The following SNAP91 variants were observed in gnomAD, a reference collection of about 807,000 sequenced individuals.
SNAP91 encodes synaptosome associated protein 91.
In SNAP91, 27 loss-of-function variants were observed where a neutral mutation model predicts 100.3. The ratio of observed to expected loss-of-function variants is 0.27; its 90% confidence interval spans 0.20 to 0.37. SNAP91 has a LOEUF of 0.37. Among genes scored for constraint, SNAP91 ranks in the 10% least tolerant of loss-of-function variants. SNAP91 has a pLI of 1.00. For missense variants in SNAP91, 986 were observed against 1,123.7 expected (o/e 0.88, Z 1.75); for synonymous variants, 404 against 398.6 (o/e 1.01, Z -0.16).
chr6:83,563,829 T>C (rs1316522570), intron 26 of SNAP91, among the ~76,000 whole-genome samples: 2 of 152,184 alleles, frequency 1.3e-5, no homozygotes, highest in African/African-American at 2.4e-5. Context: ...ACTGCAACTA[T>C]AGAACATTGT....
intron 1 of SNAP91, 138 bp from the exon 2 acceptor site, chr6:83,708,095 A>G: frequency 1.4e-6 from 1 of 714,300 alleles, no homozygotes; most frequent in Non-Finnish European, 2.1e-6. Context: ...CGGAGCCAGC[A>G]ACGCGCCAAG....
At chr6:83,596,614 G>A (rs188890582) in intron 16 of SNAP91, among the ~76,000 whole-genome samples, 30 of 152,160 alleles carry the variant, frequency 2.0e-4, no homozygotes, top group Admixed American at 1.1e-3. Context: ...CACAACCAAA[G>A]CTTAAAGCGT....
At chr6:83,697,967 G>C (rs773775579) in intron 2 of SNAP91, among the ~76,000 whole-genome samples, 3 of 152,094 alleles carry the variant, frequency 2.0e-5, no homozygotes, top group Non-Finnish European at 4.4e-5. Context: ...ATAGCTCTGG[G>C]AGGGATATGA....
At chr6:83,596,950 G>C (rs2094540893) in intron 16 of SNAP91, among the ~76,000 whole-genome samples, 1 of 151,994 alleles carries the variant, frequency 6.6e-6, no homozygotes, top group Non-Finnish European at 1.5e-5. Flanking sequence ...TTAGTGCCAG[G>C]GATCAAATAG....
At chr6:83,706,451 T>C (rs16873803) in intron 2 of SNAP91, among the ~76,000 whole-genome samples, 4,670 of 152,350 alleles carry the variant, frequency 0.031, 220 homozygotes, top group African/African-American at 0.1. Context: ...TATAATGCTG[T>C]AATCAATAAA....
chr6:83,630,527 C>T (rs1307556983), intron 8 of SNAP91, among the ~76,000 whole-genome samples: 1 of 151,700 alleles, frequency 6.6e-6, no homozygotes, highest in Non-Finnish European at 1.5e-5. Context: ...AATCTCACTG[C>T]TTGTCTGTTC....
At chr6:83,610,432 G>C (rs1383062267) in intron 12 of SNAP91, among the ~76,000 whole-genome samples, 3 of 151,356 alleles carry the variant, frequency 2.0e-5, no homozygotes, top group African/African-American at 7.3e-5. Flanking sequence ...AAGTAGAATG[G>C]TGGTTGCCAG....
intron 5 of SNAP91, 117 bp downstream of exon 5, chr6:83,661,385 T>A (rs2098541026): frequency 3.5e-6 from 2 of 569,866 alleles, no homozygotes; most frequent in South Asian, 6.2e-5. Context: ...TTTTTTTAGG[T>A]TATTGTAAAC....
At chr6:83,700,982 G>A (rs1160688315) in intron 2 of SNAP91, among the ~76,000 whole-genome samples, 33 of 152,250 alleles carry the variant, frequency 2.2e-4, no homozygotes, top group Non-Finnish European at 4.4e-5. Flanking sequence ...AATTGAGTAG[G>A]CAATGCCTGG....
At chr6:83,615,495 G>A (rs749774618) in intron 10 of SNAP91, among the ~76,000 whole-genome samples, 1 of 152,094 alleles carries the variant, frequency 6.6e-6, no homozygotes, top group Non-Finnish European at 1.5e-5. Flanking sequence ...CCTAATAGAG[G>A]GTGGGCCTAG....
chr6:83,690,465 A>G (rs1587739263), intron 2 of SNAP91: 1 of 1,220,382 alleles, frequency 8.2e-7, no homozygotes, highest in Non-Finnish European at 1.1e-6. Context: ...TCAGTTACAC[A>G]TTAATAAGAA....
chr6:83,687,305 C>A (rs947723593), intron 2 of SNAP91, among the ~76,000 whole-genome samples: 1 of 152,006 alleles, frequency 6.6e-6, no homozygotes, highest in Non-Finnish European at 1.5e-5. Flanking sequence ...AAATTGGCAG[C>A]AAATTATTTC....
chr6:83,593,228 T>A lies in SNAP91; in HGVS notation c.1728A>T (p.Ala576=). The A allele has an allele frequency of 6.3e-7, 1 of 1,596,048 alleles. No homozygotes were observed. Among genetic ancestry groups the A allele is most frequent in the Non-Finnish European group, 8.5e-7 (1 of 1,170,814 alleles). Residue 576 remains alanine (A), a synonymous_variant, in exon 19 of 30, where the codon GCA becomes GCT. Coordinates refer to ENST00000369694, the MANE Select transcript of SNAP91 (RefSeq NM_001242792.2). ...DLFESTPEVA[A]APKPDAAPSI... is the part of the protein sequence containing the mutation. ...TAGGAGCAGCATCTGGCTTAGGCGC[T>A]GCAGCAACTTCAGGAGTGGACTCAA...
In SNAP91 at chr6:83,662,431, CA is replaced by C; in HGVS notation, c.274-10del. The C allele has an allele frequency of 8.8e-7, 1 of 1,139,728 alleles. No homozygotes were observed. Among genetic ancestry groups the C allele is most frequent in the Non-Finnish European group, 1.2e-6 (1 of 833,614 alleles). 70.6% of individuals were successfully genotyped at this position (1,139,728 alleles called of 1,614,324 possible). A position where few individuals can be genotyped will look rare whatever the true frequency, so the allele number is the denominator to read the frequency against. ...AAATATTGAATAAATCTCTGAAAAACAAAAATTAGAATTAAACACACATTTT... is the reference window on the plus strand; with the variant it reads ...AAATATTGAATAAATCTCTGAAAAACAAAATTAGAATTAAACACACATTTT... On this transcript the variant is annotated splice_polypyrimidine_tract_variant and intron_variant, in intron 3 of 29. Transcript: ENST00000369694.
intron 26 of SNAP91, among the ~76,000 whole-genome samples, chr6:83,567,027 C>T (rs1392016110): frequency 1.3e-5 from 2 of 152,122 alleles, no homozygotes; most frequent in Non-Finnish European, 2.9e-5. Context: ...TAGGCTCAAA[C>T]ACTTGGGCTC....
At chr6:83,687,976 A>T (rs73486964) in intron 2 of SNAP91, among the ~76,000 whole-genome samples, 4,338 of 152,244 alleles carry the variant, frequency 0.028, 76 homozygotes, top group East Asian at 0.059. Flanking sequence ...GGGACGTGGA[A>T]GACACGGGTT....
At chr6:83,680,829 T>C (rs535055553) in intron 2 of SNAP91, among the ~76,000 whole-genome samples, 1 of 152,128 alleles carries the variant, frequency 6.6e-6, no homozygotes, top group Non-Finnish European at 1.5e-5. Context: ...CCAGACATTG[T>C]TGTAGACTGT....
Position 83,623,077 on chromosome 6 carries a change from C to T in SNAP91, c.807+224G>A, listed in dbSNP as rs141387986. ...TGAGTTCATTTACTAAATTCAGTTG[C>T]GTTTAAAGAAGAAACTATATCATAA... On this transcript the variant is annotated intron_variant, in intron 9 of 29. Transcript: ENST00000369694. 1.9e-3 allele frequency among the ~76,000 whole-genome samples: 294 copies of T among 152,162 alleles called. 1 individual carries two copies. Among genetic ancestry groups the T allele is most frequent in the African/African-American group, 6.1e-3 (252 of 41,558 alleles).
Position 83,628,542 on chromosome 6 carries a change from A to T in SNAP91, c.766-5200T>A, listed in dbSNP as rs1249099837. Among the ~76,000 whole-genome samples the T allele has an allele frequency of 1.0e-4, 15 of 149,232 alleles. 1 individual carries two copies. In the South Asian group the frequency reaches 1.3e-3, roughly 13 times the overall value. Reference sequence around the variant, plus strand: ...TCTACTGTTTTTTTTTTTATTTTTTAATTTTTTGATTATGGCCATTCTTGC... The same window carrying T: ...TCTACTGTTTTTTTTTTTATTTTTTTATTTTTTGATTATGGCCATTCTTGC... On this transcript the variant is annotated intron_variant, in intron 8 of 29. Transcript: ENST00000369694.
Sources: gnomAD v4.1 joint callset for allele counts (sites outside exome capture counted in the v4.1 genomes callset) on GRCh38, gnomAD v4.1.1 for gene constraint, MANE v1.5 for transcripts, NCBI Gene and HGNC (gene_info 2026-07-23, HGNC 2026-07-21) for gene names.